SLC66A1: variants seen among roughly 807,000 people sequenced by gnomAD.
The protein encoded by SLC66A1 is lysosomal amino acid transporter 1 homolog.
Under a neutral mutation model 33.0 loss-of-function variants are expected in SLC66A1, and 23 were observed. That is an observed-to-expected ratio of 0.70 (90% confidence interval 0.50 to 0.99). SLC66A1 has a LOEUF of 0.99. Ranked by LOEUF, SLC66A1 falls within the 50% of genes least tolerant of loss-of-function variation. The probability of loss-of-function intolerance (pLI) is 0.00; values close to 1 mark genes in which losing one functional copy is unlikely to be tolerated. For synonymous variants in SLC66A1, 164 were observed against 175.5 expected (o/e 0.93, Z 0.52); for missense variants, 335 against 383.6 (o/e 0.87, Z 1.06).
Position 19,324,639 on chromosome 1 carries a change from C to G in SLC66A1, c.171C>G (p.Phe57Leu), listed in dbSNP as rs1388471080. 1.4e-5 allele frequency: 22 copies of G among 1,614,048 alleles called. No individual in the cohort carries two copies. The Admixed American group carries it at 3.2e-4, about 23-fold the overall frequency. Residue 57 changes from phenylalanine (F) to leucine (L), a missense_variant, in exon 3 of 8, where the codon TTC becomes TTG. Phe to Leu is a conservative substitution (Grantham distance 22, BLOSUM62 0). Coordinates refer to ENST00000375153, the MANE Select transcript of SLC66A1 (RefSeq NM_001040125.2). The stretch of plus-strand genomic sequence containing the variant: ...TCCTCTTCCTCTTCCACAGCCAGTT[C>G]ATCAAAGCCTACAAGACGGGCAACA... ...LCFAASTFPQ[F>L]IKAYKTGNMD...
intron 3 of SLC66A1, 84 bp downstream of exon 3, chr1:19,324,846 G>A: frequency 6.6e-7 from 1 of 1,522,792 alleles, no homozygotes; most frequent in Non-Finnish European, 8.9e-7. Flanking sequence ...CAGGCTCTTT[G>A]GCCCGCCTGG....
chr1:19,316,577 GAC>G, intron 1 of SLC66A1, among the ~76,000 whole-genome samples: 1 of 151,798 alleles, frequency 6.6e-6, no homozygotes, highest in Admixed American at 6.6e-5. Flanking sequence ...TTTTCATGGA[GAC>G]AGCGTTGCCC....
At chr1:19,331,170 C>T (rs551115282), downstream of SLC66A1, among the ~76,000 whole-genome samples, 16 of 152,308 alleles carry the variant, frequency 1.1e-4, no homozygotes, top group African/African-American at 3.6e-4. Context: ...TGCCGCCACG[C>T]TCAGCTAATT....
At chr1:19,320,412 CTTT>C (rs34520375) in intron 2 of SLC66A1, among the ~76,000 whole-genome samples, 136 of 98,606 alleles carry the variant, frequency 1.4e-3, no homozygotes, top group African/African-American at 4.2e-3. Flanking sequence ...GGTGGCCTGT[CTTT>C]TTTTTTTTTT....
downstream of SLC66A1, among the ~76,000 whole-genome samples, chr1:19,330,745 C>G (rs1044938900): frequency 6.6e-6 from 1 of 152,134 alleles, no homozygotes; most frequent in Admixed American, 6.6e-5. Flanking sequence ...GGTCCTGGGG[C>G]ACACCCAGCA....
chr1:19,332,620 A>C (rs995308936), downstream of SLC66A1, among the ~76,000 whole-genome samples: 17 of 152,232 alleles, frequency 1.1e-4, 1 homozygote, highest in Admixed American at 1.0e-3. Context: ...AATTTAAAAA[A>C]TTACAATAAA....
chr1:19,319,267 C>T (rs2093821343), intron 2 of SLC66A1, among the ~76,000 whole-genome samples: 1 of 152,198 alleles, frequency 6.6e-6, no homozygotes, highest in South Asian at 2.1e-4. Flanking sequence ...AAACCCATGC[C>T]CATCAGCAGT....
In SLC66A1 at chr1:19,328,604, C is replaced by G; in HGVS notation, c.837C>G (p.Ser279Arg). The G allele has an allele frequency of 6.2e-7, 1 of 1,613,774 alleles. No homozygotes were observed. The highest frequency in any genetic ancestry group is 8.5e-7 in the Non-Finnish European group (1 of 1,179,976). ...ISIQFLVYRR[S>R]TAASELEPLL... is the part of the protein sequence containing the mutation. ...TCCAGTTCCTGGTGTACAGGCGCAG[C>G]ACCGCCGCCTCGGAGCTTGAGCCCC... is the stretch of plus-strand genomic sequence containing the variant. Residue 279 changes from serine to arginine, a missense_variant, in exon 8 of 8, where the codon AGC (serine) becomes AGG (arginine). Physicochemically the swap from Ser to Arg is moderately radical, Grantham distance 110. Coordinates refer to ENST00000375153, the MANE Select transcript of SLC66A1 (RefSeq NM_001040125.2). This position sits in a 1 kb window ranked among gnomAD's most constrained non-coding sequence, Gnocchi z 4.7.
intron 3 of SLC66A1, 139 bp from the exon 4 acceptor site, chr1:19,325,356 C>A: frequency 1.6e-6 from 1 of 629,926 alleles, no homozygotes; most frequent in East Asian, 2.8e-5. Context: ...TTCTTCCTTG[C>A]CAGATAAGGA....
In SLC66A1 at chr1:19,326,352, G is replaced by A; in HGVS notation, c.490G>A (p.Gly164Arg). The change falls in exon 5 of 8, where the codon GGG becomes AGG. Residue 164 changes from glycine to arginine, a missense_variant. Transcript: ENST00000375153. ...GGCTGCCCCTAGGGAAGCCTTCCGG[G>A]GGCGGGCGCTCCTGTCCGTGGAGTC... ...PVAAPREAFR[G>R]RALLSVESGS... 1.2e-6 allele frequency: 2 copies of A among 1,606,624 alleles called. No homozygotes were observed. The highest frequency in any genetic ancestry group is 8.5e-7 in the Non-Finnish European group (1 of 1,179,406).
At position 19,317,008 on chromosome 1, in the gene SLC66A1, G is replaced by A. The variant is rs745323340; in HGVS notation, c.-78-592G>A. Among the ~76,000 whole-genome samples the A allele has an allele frequency of 4.4e-5, 6 of 137,672 alleles. No individual in the cohort carries two copies. In the South Asian group the frequency reaches 7.4e-4, roughly 17 times the overall value. The allele number at this position is 137,672 out of a possible 152,430, so 90.3% of individuals were successfully genotyped here. A position where few individuals can be genotyped will look rare whatever the true frequency, so the allele number is the denominator to read the frequency against. ...TCTCTTGGGCTCAAGCTGTCCTCCC[G>A]CCTTGGCCTCCCAAATTGTGGGGAT... On this transcript the variant is annotated intron_variant, in intron 1 of 7. Transcript: ENST00000375153.
At chr1:19,324,234 T>G (rs2093851627) in intron 2 of SLC66A1, among the ~76,000 whole-genome samples, 1 of 152,238 alleles carries the variant, frequency 6.6e-6, no homozygotes. Context: ...CTGTTCTTGT[T>G]GCAATGCCCT....
chr1:19,316,771 A>G (rs2093808021), intron 1 of SLC66A1, among the ~76,000 whole-genome samples: 1 of 151,636 alleles, frequency 6.6e-6, no homozygotes. Flanking sequence ...GGCTCAAGTG[A>G]TCCTCCCACC....
rs947012514 is a variant in SLC66A1 at position 19,313,190 on chromosome 1, A to T, written c.-79+301A>T. 16 of 985,242 alleles carry T rather than the reference A, an allele frequency of 1.6e-5. No homozygotes were observed. The South Asian group carries it at 7.0e-4, about 43-fold the overall frequency. 61.0% of individuals were successfully genotyped at this position (985,242 alleles called of 1,614,324 possible). On this transcript the variant is annotated intron_variant, in intron 1 of 7. Transcript: ENST00000375153. ...GAGAACTACGAAGCTCAATCACTTGAGTTCCAGACTGGTAGGCATCGGGCA... is the reference window on the plus strand; with the variant it reads ...GAGAACTACGAAGCTCAATCACTTGTGTTCCAGACTGGTAGGCATCGGGCA...
downstream of SLC66A1, among the ~76,000 whole-genome samples, chr1:19,329,530 C>T (rs2093886715): frequency 6.6e-6 from 1 of 152,210 alleles, no homozygotes; most frequent in South Asian, 2.1e-4. Context: ...GAGTGACTCC[C>T]CACGGGGAGC....
chr1:19,320,711 G>GTGGATATCCACTTGTCCCAGCGCCAGGT (rs1389148924), intron 2 of SLC66A1, among the ~76,000 whole-genome samples: 7 of 149,428 alleles, frequency 4.7e-5, no homozygotes, highest in African/African-American at 1.8e-4. Flanking sequence ...CACCGCACCT[G>GTGGATATCCACTTGTCCCAGCGCCAGGT]GCCTCACTTC....
chr1:19,313,098 A>G, intron 1 of SLC66A1: 2 of 633,816 alleles, frequency 3.2e-6, no homozygotes, highest in Non-Finnish European at 3.9e-6. Context: ...CTTGGCCTGG[A>G]TTGTCTCATT....
At position 19,328,696 on chromosome 1, in the gene SLC66A1, CAGG is replaced by C; in HGVS notation, c.*60_*62del. 3 of 1,578,528 alleles carry C rather than the reference CAGG, an allele frequency of 1.9e-6. No individual in the cohort carries two copies. The highest frequency in any genetic ancestry group is 2.6e-6 in the Non-Finnish European group (3 of 1,152,560). On this transcript the variant is annotated 3_prime_UTR_variant, in exon 8 of 8. Coordinates refer to ENST00000375153, the MANE Select transcript of SLC66A1 (RefSeq NM_001040125.2). This position sits in a 1 kb window ranked among gnomAD's most constrained non-coding sequence, Gnocchi z 4.7. ...AGGCACCACCGGATGCCACACCAGG[CAGG>C]AGGAGGTGTGGACAGTGATGGTACG... is the stretch of plus-strand genomic sequence containing the variant.
At chr1:19,329,879 G>A (rs1355404323), downstream of SLC66A1, among the ~76,000 whole-genome samples, 3 of 152,208 alleles carry the variant, frequency 2.0e-5, no homozygotes, top group African/African-American at 4.8e-5. Context: ...TTGAAGGCAG[G>A]AGGAAGAAGT....
Sources: gnomAD v4.1 joint callset for allele counts (sites outside exome capture counted in the v4.1 genomes callset) on GRCh38, gnomAD v4.1.1 for gene constraint, Gnocchi (gnomAD v3.1) non-coding constraint, MANE v1.5 for transcripts, NCBI Gene and HGNC (gene_info 2026-07-23, HGNC 2026-07-21) for gene names.